ANO10: variants seen among roughly 807,000 people sequenced by gnomAD.
ANO10 encodes the protein anoctamin-10.
Under a neutral mutation model 74.7 loss-of-function variants are expected in ANO10, and 77 were observed. The ratio of observed to expected loss-of-function variants is 1.03; its 90% CI spans 0.86 to 1.25. The LOEUF (loss-of-function observed/expected upper bound fraction) is 1.25. ANO10 is among the 50% of genes most tolerant of loss of function. The pLI is 0.00. For synonymous variants in ANO10, 279 were observed against 284.9 expected (o/e 0.98, Z 0.21); for missense variants, 721 against 778.1 (o/e 0.93, Z 0.87).
chr3:43,396,697 G>T (rs1164318331), intron 12 of ANO10, among the ~76,000 whole-genome samples: 3 of 151,660 alleles, frequency 2.0e-5, no homozygotes, highest in Non-Finnish European at 4.4e-5. Flanking sequence ...GCCTTGCTCT[G>T]TCGTCCAAGC....
chr3:43,598,527 C>A lies in ANO10; in HGVS notation c.472+5G>T. 6.2e-7 allele frequency: 1 copy of A among 1,612,860 alleles called. No homozygotes were observed. The highest frequency in any genetic ancestry group is 8.5e-7 in the Non-Finnish European group (1 of 1,179,590). Reference sequence around the variant, plus strand: ...AGAAAAAGACTGGTTGACATAATGACTTACACAATGATTTTCCTGGATACA... The same window carrying A: ...AGAAAAAGACTGGTTGACATAATGAATTACACAATGATTTTCCTGGATACA... On this transcript the variant is annotated splice_donor_5th_base_variant and intron_variant, in intron 4 of 12. Coordinates refer to ENST00000292246, the MANE Select transcript of ANO10 (RefSeq NM_018075.5).
chr3:43,478,664 T>C (rs1413248823), intron 11 of ANO10, among the ~76,000 whole-genome samples: 1 of 152,238 alleles, frequency 6.6e-6, no homozygotes, highest in African/African-American at 2.4e-5. Context: ...TAATTTACAT[T>C]AATGCTTAGC....
At chr3:43,461,392 GAC>G (rs1214866755) in intron 11 of ANO10, among the ~76,000 whole-genome samples, 1 of 152,048 alleles carries the variant, frequency 6.6e-6, no homozygotes, top group African/African-American at 2.4e-5. Flanking sequence ...CTCAGGCCCA[GAC>G]AGTTTTATTG....
chr3:43,386,397 A>G (rs76008234), intron 12 of ANO10, among the ~76,000 whole-genome samples: 1 of 126,594 alleles, frequency 7.9e-6, no homozygotes, highest in Non-Finnish European at 1.8e-5. Context: ...AGGGGAAGGG[A>G]AAGGAAAGGG....
At position 43,549,748 on chromosome 3, in the gene ANO10, T is replaced by A. The variant is rs773162169; in HGVS notation, c.1769A>T (p.Asp590Val). ...VNAVFPESKA[D>V]LILIVVAVEH... ...CACTGCTACTACAATCAAAATGAGG[T>A]CTGCTTTTGATTCTGGAAAGACTGC... Residue 590 changes from aspartate to valine, a missense_variant, in exon 11 of 13, where the codon GAC becomes GTC. Transcript: ENST00000292246. 2.5e-6 allele frequency: 4 copies of A among 1,614,066 alleles called. No individual in the cohort carries two copies. In the Admixed American group the frequency reaches 6.7e-5, roughly 27 times the overall value.
At chr3:43,590,668 C>T (rs528172263) in intron 4 of ANO10, among the ~76,000 whole-genome samples, 4 of 152,318 alleles carry the variant, frequency 2.6e-5, no homozygotes, top group Non-Finnish European at 4.4e-5. Context: ...AGAAACTATT[C>T]TATATTAAAA....
chr3:43,406,909 T>C (rs1253269374), intron 12 of ANO10, among the ~76,000 whole-genome samples: 1 of 151,784 alleles, frequency 6.6e-6, no homozygotes, highest in Non-Finnish European at 1.5e-5. Context: ...ACAGAGATTT[T>C]TTTTTTTTTT....
upstream of ANO10, among the ~76,000 whole-genome samples, chr3:43,624,693 C>T (rs1450836383): frequency 6.6e-6 from 1 of 152,144 alleles, no homozygotes; most frequent in African/African-American, 2.4e-5. Flanking sequence ...TACCCAGTCT[C>T]AGTTATTTCT....
intron 11 of ANO10, among the ~76,000 whole-genome samples, chr3:43,454,464 A>G (rs1220277548): frequency 2.0e-5 from 3 of 152,264 alleles, no homozygotes; most frequent in East Asian, 3.9e-4. Context: ...AGAGCCCAAG[A>G]CTGTCTGGCC....
At chr3:43,501,621 C>T (rs935506253) in intron 11 of ANO10, among the ~76,000 whole-genome samples, 1 of 152,114 alleles carries the variant, frequency 6.6e-6, no homozygotes, top group Non-Finnish European at 1.5e-5. Context: ...AACACATTAC[C>T]TGGATGCAAT....
chr3:43,450,778 T>A (rs1305371017), intron 11 of ANO10, among the ~76,000 whole-genome samples: 1 of 152,216 alleles, frequency 6.6e-6, no homozygotes, highest in Non-Finnish European at 1.5e-5. Flanking sequence ...AACATTTATG[T>A]CATCTTTTTG....
chr3:43,439,817 G>C (rs2093132476), intron 11 of ANO10, among the ~76,000 whole-genome samples: 1 of 152,104 alleles, frequency 6.6e-6, no homozygotes, highest in South Asian at 2.1e-4. Flanking sequence ...GGGAAGTTGT[G>C]GTTGCAGTGA....
chr3:43,516,954 G>A (rs2077737977), intron 11 of ANO10, among the ~76,000 whole-genome samples: 1 of 152,146 alleles, frequency 6.6e-6, no homozygotes, highest in South Asian at 2.1e-4. Flanking sequence ...AATGGCCATG[G>A]GGACATGTCT....
At chr3:43,612,105 C>T (rs1437678589) in intron 1 of ANO10, among the ~76,000 whole-genome samples, 1 of 140,514 alleles carries the variant, frequency 7.1e-6, no homozygotes, top group South Asian at 2.3e-4. Context: ...ATCATTCCTC[C>T]TTTAAGTGCA....
chr3:43,669,391 A>G (rs746914314), intron 1 of ANO10, among the ~76,000 whole-genome samples: 1 of 152,116 alleles, frequency 6.6e-6, no homozygotes, highest in Admixed American at 6.5e-5. Context: ...AGGGCCCCCC[A>G]TGAATGGTCT....
chr3:43,514,004 T>C (rs2077613027), intron 11 of ANO10, among the ~76,000 whole-genome samples: 1 of 150,546 alleles, frequency 6.6e-6, no homozygotes, highest in African/African-American at 2.4e-5. Context: ...TTTTATTTTG[T>C]TTGCTATATT....
intron 12 of ANO10, among the ~76,000 whole-genome samples, chr3:43,409,860 C>A (rs1373573531): frequency 6.6e-6 from 1 of 152,170 alleles, no homozygotes; most frequent in African/African-American, 2.4e-5. Context: ...AGGGTCTACG[C>A]AAGCGTTTTA....
At chr3:43,664,784 T>C (rs1055044404) in intron 1 of ANO10, among the ~76,000 whole-genome samples, 11 of 152,136 alleles carry the variant, frequency 7.2e-5, no homozygotes, top group African/African-American at 2.7e-4. Context: ...AAAATGCTAA[T>C]CATCAATGGT....
chr3:43,634,337 AG>A (rs2083583349), intron 1 of ANO10, among the ~76,000 whole-genome samples: 1 of 152,234 alleles, frequency 6.6e-6, no homozygotes, highest in South Asian at 2.1e-4. Context: ...ACAAGCACTT[AG>A]TATAAAAATA....
Sources: allele counts gnomAD v4.1 joint callset (sites outside exome capture counted in the v4.1 genomes callset), GRCh38; gene constraint gnomAD v4.1.1; transcripts MANE v1.5; gene names NCBI Gene and HGNC (gene_info 2026-07-23, HGNC 2026-07-21).